GRM8: variants seen among roughly 807,000 people sequenced by gnomAD.
The protein encoded by GRM8 is glutamate metabotropic receptor 8, also known as metabotropic glutamate receptor 8.
A neutral mutation model predicts 87.2 loss-of-function variants in GRM8; 47 were observed. That is an observed-to-expected ratio of 0.54 (90% CI 0.43 to 0.69). The LOEUF is 0.69. GRM8 is among the 30% of genes least tolerant of loss of function. The pLI, the probability that GRM8 is intolerant of heterozygous loss-of-function variation, is 0.00. For missense variants in GRM8, 1,019 were observed against 1,139.2 expected (o/e 0.89, Z 1.52); for synonymous variants, 396 against 404.5 (o/e 0.98, Z 0.25).
At chr7:126,868,729 T>G (rs1484483229) in intron 6 of GRM8, 1 of 152,240 alleles carries the variant, frequency 6.6e-6, no homozygotes, top group Non-Finnish European at 1.5e-5. Context: ...ACAATGTGCA[T>G]ACCTGAATTT....
intron 8 of GRM8, among the ~76,000 whole-genome samples, chr7:126,551,228 C>G (rs1792550080): frequency 6.6e-6 from 1 of 152,084 alleles, no homozygotes; most frequent in Admixed American, 6.6e-5. Flanking sequence ...CTTTTACAAT[C>G]TATTCATTTT....
chr7:126,682,734 AT>A (rs376106172), intron 7 of GRM8, among the ~76,000 whole-genome samples: 133 of 152,316 alleles, frequency 8.7e-4, no homozygotes, highest in African/African-American at 3.1e-3. Flanking sequence ...AGCTTAACAT[AT>A]TTATTATATG....
chr7:126,982,554 T>C (rs1811644059), intron 3 of GRM8, among the ~76,000 whole-genome samples: 1 of 152,152 alleles, frequency 6.6e-6, no homozygotes, highest in African/African-American at 2.4e-5. Flanking sequence ...CCAAATGCTA[T>C]TCCATAGAGT....
At chr7:126,820,373 G>C (rs1416538816) in intron 6 of GRM8, among the ~76,000 whole-genome samples, 1 of 152,104 alleles carries the variant, frequency 6.6e-6, no homozygotes, top group Non-Finnish European at 1.5e-5. Flanking sequence ...ACTAATCAAA[G>C]AAATCCAAAT....
intron 7 of GRM8, among the ~76,000 whole-genome samples, chr7:126,722,916 A>AATATGTTATATATATATAATTATATAT (rs1563125041): frequency 6.8e-6 from 1 of 146,778 alleles, no homozygotes; most frequent in East Asian, 1.9e-4. Context: ...TTATATATAT[A>AATATGTTATATATATATAATTATATAT]ATATGTTATA....
At chr7:126,676,058 G>A (rs1245583646) in intron 7 of GRM8, among the ~76,000 whole-genome samples, 1 of 152,130 alleles carries the variant, frequency 6.6e-6, no homozygotes, top group African/African-American at 2.4e-5. Context: ...TAAAACCAAT[G>A]TACACAAATC....
intron 9 of GRM8, among the ~76,000 whole-genome samples, chr7:126,524,123 G>A (rs1007184101): frequency 6.6e-6 from 1 of 151,964 alleles, no homozygotes; most frequent in South Asian, 2.1e-4. Context: ...TGAATATATT[G>A]TGAATATATT....
chr7:126,798,240 T>A (rs1417900478), intron 6 of GRM8, among the ~76,000 whole-genome samples: 1 of 152,050 alleles, frequency 6.6e-6, no homozygotes, highest in African/African-American at 2.4e-5. Context: ...ATTCAAAGTG[T>A]ATAACTCAGG....
intron 6 of GRM8, among the ~76,000 whole-genome samples, chr7:126,888,784 G>A (rs575960544): frequency 6.6e-6 from 1 of 152,224 alleles, no homozygotes; most frequent in South Asian, 2.1e-4. Context: ...GCTAGGGAAA[G>A]CTTTGTTGTG....
chr7:126,531,336 A>G (rs1327188479), intron 9 of GRM8, among the ~76,000 whole-genome samples: 2 of 152,212 alleles, frequency 1.3e-5, no homozygotes, highest in African/African-American at 2.4e-5. Context: ...ATCCATTAAC[A>G]TATTTTATAA....
chr7:127,026,033 G>A (rs2132257728), intron 3 of GRM8, among the ~76,000 whole-genome samples: 1 of 152,090 alleles, frequency 6.6e-6, no homozygotes, highest in African/African-American at 2.4e-5. Flanking sequence ...CCTGATGTGT[G>A]ATGTTCCCCT....
chr7:126,701,683 AT>A (rs985198386), intron 7 of GRM8: 582 of 503,046 alleles, frequency 1.2e-3, no homozygotes, highest in Non-Finnish European at 1.6e-3. Context: ...TATTGTGAGA[AT>A]TTTTTTTTAG....
At position 126,722,823 on chromosome 7, in the gene GRM8, C is replaced by T. The variant is rs900998677; in HGVS notation, c.1357+47042G>A. On this transcript the variant is annotated intron_variant, in intron 7 of 10. Coordinates refer to ENST00000339582, the MANE Select transcript of GRM8 (RefSeq NM_000845.3). ...ACTTCATAATCTTTAAGGAGAGGGG[C>T]TATCACCCAATATTTGGCACAGTGC... 1.4e-5 allele frequency among the ~76,000 whole-genome samples: 2 copies of T among 147,716 alleles called. 1 individual carries two copies. The highest frequency in any genetic ancestry group is 5.0e-5 in the African/African-American group (2 of 39,754).
At chr7:127,140,378 T>G (rs1828197077) in intron 2 of GRM8, among the ~76,000 whole-genome samples, 1 of 152,152 alleles carries the variant, frequency 6.6e-6, no homozygotes, top group Admixed American at 6.5e-5. Flanking sequence ...TCTCTTCCAG[T>G]TGAGAAACAC....
intron 7 of GRM8, among the ~76,000 whole-genome samples, chr7:126,693,754 T>A (rs1473104616): frequency 1.3e-5 from 2 of 152,168 alleles, no homozygotes; most frequent in African/African-American, 2.4e-5. Context: ...GTTTGTTTAA[T>A]CTTTTGCTGG....
chr7:126,623,613 G>A (rs756404622), intron 7 of GRM8, among the ~76,000 whole-genome samples: 2 of 152,162 alleles, frequency 1.3e-5, no homozygotes, highest in Non-Finnish European at 2.9e-5. Flanking sequence ...GCCCACTGCT[G>A]AGCCTTTCTC....
At chr7:126,893,052 G>T (rs1432740083) in intron 6 of GRM8, among the ~76,000 whole-genome samples, 1 of 151,990 alleles carries the variant, frequency 6.6e-6, no homozygotes, top group Non-Finnish European at 1.5e-5. Context: ...CTTTTTAAAT[G>T]ACATTTTCCA....
At chr7:126,620,418 A>G (rs990601804) in intron 7 of GRM8, among the ~76,000 whole-genome samples, 12 of 152,208 alleles carry the variant, frequency 7.9e-5, no homozygotes, top group African/African-American at 2.7e-4. Flanking sequence ...TTTCTGTTCA[A>G]TAAGAAATGT....
chr7:126,687,128 G>T (rs921019344), intron 7 of GRM8, among the ~76,000 whole-genome samples: 1 of 152,132 alleles, frequency 6.6e-6, no homozygotes, highest in East Asian at 1.9e-4. Flanking sequence ...GATGCAATAC[G>T]GTTGGCACAT....
Sources: gnomAD v4.1 joint callset for allele counts (sites outside exome capture counted in the v4.1 genomes callset) on GRCh38, gnomAD v4.1.1 for gene constraint, MANE v1.5 for transcripts, NCBI Gene and HGNC (gene_info 2026-07-23, HGNC 2026-07-21) for gene names.